ARSG: variants seen among roughly 807,000 people sequenced by gnomAD.
The protein encoded by ARSG is ASG.
ARSG carries 37 observed loss-of-function variants against 50.5 expected under a neutral mutation model. That is an observed-to-expected ratio of 0.73 (90% CI 0.56 to 0.96). The LOEUF is 0.96. Ranked by LOEUF, ARSG falls within the 50% of genes least tolerant of loss-of-function variation. The probability of loss-of-function intolerance (pLI) is 0.00; values close to 1 mark genes in which losing one functional copy is unlikely to be tolerated. For synonymous variants in ARSG, 225 were observed against 254.6 expected (o/e 0.88, Z 1.11); for missense variants, 629 against 675.3 (o/e 0.93, Z 0.76).
chr17:68,265,156 G>GAA (rs369928777), intron 1 of ARSG, among the ~76,000 whole-genome samples: 11 of 73,654 alleles, frequency 1.5e-4, no homozygotes, highest in African/African-American at 3.2e-4. Flanking sequence ...CTCCATCTCA[G>GAA]AAAAAAAAAA....
chr17:68,434,657 A>C, the ARSG span: 1 of 1,611,260 alleles, frequency 6.2e-7, no homozygotes, highest in Non-Finnish European at 8.5e-7. Flanking sequence ...ACATTTCATA[A>C]CCATTAGTGG....
Position 68,420,337 on chromosome 17 carries a change from G to C in ARSG, c.1452G>C (p.Lys484Asn), listed in dbSNP as rs748809699. The C allele has an allele frequency of 1.2e-6, 2 of 1,614,110 alleles. No individual in the cohort carries two copies. The highest frequency in any genetic ancestry group is 4.5e-5 in the East Asian group (2 of 44,880). The change falls in exon 12 of 12, where the codon AAG becomes AAC. Residue 484 changes from lysine to asparagine, a missense_variant. Lys to Asn is a moderately conservative substitution (Grantham distance 94). Coordinates refer to ENST00000621439, the MANE Select transcript of ARSG (RefSeq NM_001267727.2). ...AGGCTGTGCTGCCCGAGGTCAGAAAGGTTCTTGCAGACGTCCTCCAAGACA... is the reference window on the plus strand; with the variant it reads ...AGGCTGTGCTGCCCGAGGTCAGAAACGTTCTTGCAGACGTCCTCCAAGACA... ...EYQAVLPEVR[K>N]VLADVLQDIA...
chr17:68,359,460 A>T (rs1358969461), intron 6 of ARSG: 3 of 152,004 alleles, frequency 2.0e-5, no homozygotes, highest in Admixed American at 1.3e-4. Flanking sequence ...TAATGACCCC[A>T]TATATGTTCA....
At chr17:68,379,414 C>T (rs1363106120) in intron 8 of ARSG, among the ~76,000 whole-genome samples, 1 of 130,946 alleles carries the variant, frequency 7.6e-6, no homozygotes, top group Non-Finnish European at 1.6e-5. Flanking sequence ...ATGCCTGGAA[C>T]ACTACAATTT....
intron 11 of ARSG, among the ~76,000 whole-genome samples, chr17:68,409,182 A>G (rs1288930304): frequency 2.4e-5 from 3 of 125,268 alleles, no homozygotes; most frequent in African/African-American, 6.3e-5. Context: ...TGTTTTAGAC[A>G]TGAAGTCCTT....
chr17:68,425,954 G>T, downstream of ARSG: 1 of 742,530 alleles, frequency 1.3e-6, no homozygotes, highest in Non-Finnish European at 2.3e-6. Context: ...AAATACTAGA[G>T]CAGAGAATTA....
At chr17:68,309,330 G>A (rs1354990520) in intron 2 of ARSG, among the ~76,000 whole-genome samples, 4 of 152,226 alleles carry the variant, frequency 2.6e-5, no homozygotes, top group East Asian at 1.9e-4. Flanking sequence ...GCCGGCTCTC[G>A]CCTTGGCCAG....
intron 11 of ARSG, among the ~76,000 whole-genome samples, chr17:68,409,817 C>A (rs978587032): frequency 5.9e-5 from 9 of 151,536 alleles, no homozygotes; most frequent in South Asian, 2.1e-4. Context: ...GTTTGTAGTT[C>A]TCCTTGAAGA....
At chr17:68,302,560 G>A (rs1351717749) in intron 1 of ARSG, among the ~76,000 whole-genome samples, 1 of 152,068 alleles carries the variant, frequency 6.6e-6, no homozygotes, top group African/African-American at 2.4e-5. Flanking sequence ...CATTCCATTC[G>A]CTTCTCAGTG....
At chr17:68,406,197 C>A (rs941008393) in intron 11 of ARSG, among the ~76,000 whole-genome samples, 1 of 152,256 alleles carries the variant, frequency 6.6e-6, no homozygotes, top group Middle Eastern at 3.4e-3. Flanking sequence ...CAGTCTCACC[C>A]AGGTTGCTGC....
At chr17:68,388,364 C>T (rs932131359) in intron 9 of ARSG, among the ~76,000 whole-genome samples, 3 of 152,144 alleles carry the variant, frequency 2.0e-5, no homozygotes, top group Admixed American at 6.6e-5. Flanking sequence ...AGATGCCAAT[C>T]GTGTCCCCAC....
At chr17:68,349,134 T>TA (rs34511362) in intron 4 of ARSG, among the ~76,000 whole-genome samples, 1 of 151,798 alleles carries the variant, frequency 6.6e-6, no homozygotes, top group Admixed American at 6.6e-5. Context: ...CTGTCTCTAC[T>TA]AAAAAAATAA....
At chr17:68,384,482 A>T (rs902150537) in intron 8 of ARSG, among the ~76,000 whole-genome samples, 1 of 152,226 alleles carries the variant, frequency 6.6e-6, no homozygotes, top group African/African-American at 2.4e-5. Context: ...CACTGTCTCC[A>T]TAACATCAGA....
intron 2 of ARSG, among the ~76,000 whole-genome samples, chr17:68,309,489 C>T (rs997584814): frequency 5.3e-5 from 8 of 152,220 alleles, no homozygotes; most frequent in Admixed American, 3.9e-4. Context: ...CACTGGAGCC[C>T]AGGAGTTCAA....
chr17:68,261,918 T>A (rs782440804), intron 1 of ARSG, among the ~76,000 whole-genome samples: 1 of 151,758 alleles, frequency 6.6e-6, no homozygotes, highest in Non-Finnish European at 1.5e-5. Context: ...TTTGGGAGGC[T>A]GAAGCAGGTA....
intron 2 of ARSG, among the ~76,000 whole-genome samples, chr17:68,332,686 A>G (rs937361780): frequency 6.6e-6 from 1 of 152,206 alleles, no homozygotes; most frequent in Non-Finnish European, 1.5e-5. Flanking sequence ...TTATAAAAGT[A>G]TTAATTTGGA....
chr17:68,432,729 G>A, the ARSG span, among the ~76,000 whole-genome samples: 10 of 152,166 alleles, frequency 6.6e-5, no homozygotes, highest in African/African-American at 2.4e-4. Flanking sequence ...AGATACAGTA[G>A]GCTTTCTGTC....
the ARSG span, among the ~76,000 whole-genome samples, chr17:68,449,801 T>G: frequency 6.6e-6 from 1 of 152,298 alleles, no homozygotes; most frequent in South Asian, 2.1e-4. Context: ...CTCCGGTAGT[T>G]CTTTAGAGTA....
chr17:68,436,392 C>A, the ARSG span: 1 of 1,613,854 alleles, frequency 6.2e-7, no homozygotes, highest in Non-Finnish European at 8.5e-7. Flanking sequence ...CAGGGAGTTT[C>A]CATCATAAAG....
Sources: allele counts gnomAD v4.1 joint callset (sites outside exome capture counted in the v4.1 genomes callset), GRCh38; gene constraint gnomAD v4.1.1; transcripts MANE v1.5; gene names NCBI Gene and HGNC (gene_info 2026-07-23, HGNC 2026-07-21).